C9orf153: variants seen among roughly 807,000 people sequenced by gnomAD.
The protein encoded by C9orf153 is uncharacterized protein C9orf153.
C9orf153 carries 10 observed loss-of-function variants against 9.0 expected under a neutral mutation model. The observed-to-expected ratio is 1.11, with a 90% CI of 0.69 to 1.89. The LOEUF (loss-of-function observed/expected upper bound fraction) is 1.89, where lower values mean the gene tolerates loss of function less well. Among genes scored for constraint, C9orf153 ranks in the 40% most tolerant of loss-of-function variants. The probability of loss-of-function intolerance (pLI) is 0.00; values close to 1 mark genes in which losing one functional copy is unlikely to be tolerated. For synonymous variants in C9orf153, 35 were observed against 37.3 expected, an observed-to-expected ratio of 0.94 and a Z score of 0.23; for missense variants, 108 against 111.0, an observed-to-expected ratio of 0.97 and a Z score of 0.12.
At position 86,225,409 on chromosome 9, in the gene C9orf153, CTCTCCTTCCTTCCT is replaced by C. The variant is rs1311357929; in HGVS notation, c.242+2432_242+2445del. Among the ~76,000 whole-genome samples the C allele has an allele frequency of 5.8e-4, 25 of 42,844 alleles. 1 individual carries two copies. In the East Asian group the frequency reaches 0.027, roughly 46 times the overall value. The allele number at this position is 42,844 out of a possible 152,430, so 28.1% of individuals were successfully genotyped here. On this transcript the variant is annotated intron_variant, in intron 3 of 3. Coordinates refer to ENST00000339137, the MANE Select transcript of C9orf153 (RefSeq NM_001276366.4). ...TTCGTTTCTTTCTTTCTCTCTCTCT[CTCTCCTTCCTTCCT>C]TCCTTCCTTCCTTCCTTCCTTCCTC...
In C9orf153 at chr9:86,259,539, G is replaced by C. The variant is rs886545631; in HGVS notation, c.-27+11C>G. ...ACAGTGCCCCGTGGCTATGGCTGTA[G>C]ATGCACTTACCACTTGTTTTACAGT... On this transcript the variant is annotated intron_variant, in intron 1 of 3. Transcript: ENST00000339137. 6.6e-6 allele frequency: 1 copy of C among 152,176 alleles called. No homozygotes were observed. The highest frequency in any genetic ancestry group is 2.4e-5 in the African/African-American group (1 of 41,414). 9.4% of individuals were successfully genotyped at this position (152,176 alleles called of 1,614,324 possible).
chr9:86,227,039 T>C (rs1405473379), intron 3 of C9orf153, among the ~76,000 whole-genome samples: 1 of 152,196 alleles, frequency 6.6e-6, no homozygotes, highest in Non-Finnish European at 1.5e-5. Flanking sequence ...GTGCTGGGAT[T>C]ACAGGCATGA....
intron 1 of C9orf153, among the ~76,000 whole-genome samples, chr9:86,239,097 T>TA (rs1416208097): frequency 6.6e-6 from 1 of 151,924 alleles, no homozygotes; most frequent in African/African-American, 2.4e-5. Flanking sequence ...CCATCTCTAC[T>TA]AAAAATACAA....
At chr9:86,259,329 T>C (rs1345521919) in intron 1 of C9orf153, among the ~76,000 whole-genome samples, 2 of 152,132 alleles carry the variant, frequency 1.3e-5, no homozygotes, top group Non-Finnish European at 2.9e-5. Flanking sequence ...CCCGATCAAC[T>C]GGTTCCAGCT....
intron 1 of C9orf153, among the ~76,000 whole-genome samples, chr9:86,238,115 C>T (rs1333776608): frequency 6.6e-6 from 1 of 151,608 alleles, no homozygotes; most frequent in Non-Finnish European, 1.5e-5. Context: ...AACAAAAAAC[C>T]CAAAACAAAC....
At chr9:86,253,695 A>C (rs1825043336) in intron 1 of C9orf153, among the ~76,000 whole-genome samples, 1 of 152,210 alleles carries the variant, frequency 6.6e-6, no homozygotes, top group Non-Finnish European at 1.5e-5. Context: ...CTTGCGCTCA[A>C]GAGATCTTCC....
chr9:86,235,028 A>G (rs1317380700), intron 1 of C9orf153, among the ~76,000 whole-genome samples: 3 of 152,190 alleles, frequency 2.0e-5, no homozygotes, highest in African/African-American at 4.8e-5. Context: ...AATACAGGGA[A>G]TTGCAGCTTA....
intron 1 of C9orf153, among the ~76,000 whole-genome samples, chr9:86,244,493 T>A (rs1824821501): frequency 6.6e-6 from 1 of 152,198 alleles, no homozygotes; most frequent in Non-Finnish European, 1.5e-5. Flanking sequence ...GTAGTGGTCA[T>A]GGTAGGCACT....
At chr9:86,226,756 TTTG>T (rs200374269) in intron 3 of C9orf153, among the ~76,000 whole-genome samples, 3,562 of 149,228 alleles carry the variant, frequency 0.024, 132 homozygotes, top group African/African-American at 0.081. Flanking sequence ...TGGTTTTTTG[TTTG>T]TTTGTTTGTT....
At chr9:86,230,703 G>A (rs906304193) in intron 1 of C9orf153, among the ~76,000 whole-genome samples, 1 of 152,182 alleles carries the variant, frequency 6.6e-6, no homozygotes, top group Admixed American at 6.5e-5. Flanking sequence ...TTTTATTCAG[G>A]AGGAAAAGGC....
chr9:86,252,464 C>G (rs1825018789), intron 1 of C9orf153, among the ~76,000 whole-genome samples: 1 of 152,154 alleles, frequency 6.6e-6, no homozygotes, highest in Non-Finnish European at 1.5e-5. Context: ...GACCTGTTAT[C>G]CTATTCTGAT....
chr9:86,246,332 G>A (rs1249648234), intron 1 of C9orf153, among the ~76,000 whole-genome samples: 1 of 152,158 alleles, frequency 6.6e-6, no homozygotes. Context: ...AGGGGTGAAG[G>A]AGTTTACTAA....
intron 2 of C9orf153, among the ~76,000 whole-genome samples, chr9:86,228,590 T>C (rs1219313943): frequency 2.0e-5 from 3 of 152,158 alleles, no homozygotes; most frequent in Admixed American, 6.5e-5. Flanking sequence ...GGAATAGTTA[T>C]TGGCAGAAAA....
intron 3 of C9orf153, among the ~76,000 whole-genome samples, chr9:86,225,411 CTCCTTCCTTCCTTCCT>C (rs72315837): frequency 0.018 from 2,395 of 132,142 alleles, 76 homozygotes; most frequent in African/African-American, 0.067. Context: ...CTCTCTCTCT[CTCCTTCCTTCCTTCCT>C]TCCTTCCTTC....
intron 1 of C9orf153, among the ~76,000 whole-genome samples, chr9:86,242,359 C>T (rs1054428011): frequency 1.3e-5 from 2 of 149,918 alleles, no homozygotes; most frequent in Non-Finnish European, 3.0e-5. Flanking sequence ...GGCTTACATT[C>T]TTTTTTTTTT....
intron 1 of C9orf153, among the ~76,000 whole-genome samples, chr9:86,239,266 A>C (rs1824675920): frequency 6.6e-6 from 1 of 152,014 alleles, no homozygotes; most frequent in African/African-American, 2.4e-5. Flanking sequence ...TTAAAAAAAA[A>C]AAAAATCATA....
intron 1 of C9orf153, among the ~76,000 whole-genome samples, chr9:86,242,686 G>A (rs913315404): frequency 7.9e-5 from 12 of 152,036 alleles, no homozygotes; most frequent in East Asian, 3.9e-4. Flanking sequence ...AAGGACGCAC[G>A]CCACTTTTTT....
At chr9:86,238,531 C>T (rs2131189441) in intron 1 of C9orf153, among the ~76,000 whole-genome samples, 1 of 152,310 alleles carries the variant, frequency 6.6e-6, no homozygotes, top group South Asian at 2.1e-4. Context: ...GTTTAAAATA[C>T]ATCTATAGTG....
In C9orf153 at chr9:86,221,416, G is replaced by C. The variant is rs569036678; in HGVS notation, c.*272C>G. 1.8e-6 allele frequency: 1 copy of C among 553,702 alleles called. No individual in the cohort carries two copies. Among genetic ancestry groups the C allele is most frequent in the Non-Finnish European group, 2.7e-6 (1 of 366,062 alleles). 34.3% of individuals were successfully genotyped at this position (553,702 alleles called of 1,614,324 possible). A position where few individuals can be genotyped will look rare whatever the true frequency, so the allele number is the denominator to read the frequency against. On this transcript the variant is annotated 3_prime_UTR_variant, in exon 4 of 4. Coordinates refer to ENST00000339137, the MANE Select transcript of C9orf153 (RefSeq NM_001276366.4). ...ACACTCACTTCAGATGTTCTATTGGGTACTTGGCTTCTTTACTTTTTGTGT... is the reference window on the plus strand; with the variant it reads ...ACACTCACTTCAGATGTTCTATTGGCTACTTGGCTTCTTTACTTTTTGTGT...
Sources: allele counts gnomAD v4.1 joint callset (sites outside exome capture counted in the v4.1 genomes callset), GRCh38; gene constraint gnomAD v4.1.1; transcripts MANE v1.5; gene names NCBI Gene and HGNC (gene_info 2026-07-23, HGNC 2026-07-21).